The following SGCZ variants were observed in gnomAD, a reference collection of about 807,000 sequenced individuals.
SGCZ encodes the protein sarcoglycan zeta, also known as zeta-sarcoglycan.
In SGCZ, 40 loss-of-function variants were observed where a neutral mutation model predicts 41.3. The ratio of observed to expected loss-of-function variants is 0.97; its 90% CI spans 0.75 to 1.26. SGCZ has a LOEUF of 1.26. Ranked by LOEUF, SGCZ falls within the 50% of genes most tolerant of loss-of-function variation. The probability of loss-of-function intolerance (pLI) is 0.00; values close to 1 mark genes in which losing one functional copy is unlikely to be tolerated. For missense variants in SGCZ, 552 were observed against 369.8 expected, an observed-to-expected ratio of 1.49 and a Z score of -4.04; for synonymous variants, 206 against 137.5, an observed-to-expected ratio of 1.50 and a Z score of -3.49.
Position 14,919,059 on chromosome 8 carries a change from C to G in SGCZ, c.39+318526G>C, listed in dbSNP as rs574065351. Among the ~76,000 whole-genome samples the G allele has an allele frequency of 1.3e-3, 193 of 152,244 alleles. 1 individual carries two copies. Among genetic ancestry groups the G allele is most frequent in the African/African-American group, 4.4e-3 (183 of 41,544 alleles). ...CAGTGGAGATAATAGCAATACTCAC[C>G]TTTTAAGATGCGTTGATTCAATTAG... is the stretch of plus-strand genomic sequence containing the variant. On this transcript the variant is annotated intron_variant, in intron 1 of 7. Transcript: ENST00000382080.
intron 3 of SGCZ, among the ~76,000 whole-genome samples, chr8:14,292,444 C>T (rs1771171487): frequency 6.6e-6 from 1 of 151,916 alleles, no homozygotes; most frequent in Non-Finnish European, 1.5e-5. Flanking sequence ...GCAACAGATG[C>T]AGTGACATCA....
intron 1 of SGCZ, among the ~76,000 whole-genome samples, chr8:15,190,704 G>A (rs1369296449): frequency 6.7e-6 from 1 of 149,908 alleles, no homozygotes; most frequent in African/African-American, 2.5e-5. Context: ...CGTGTGTCGT[G>A]GGGGATGGGG....
chr8:14,571,212 G>A (rs1051145515), intron 1 of SGCZ, among the ~76,000 whole-genome samples: 1 of 152,158 alleles, frequency 6.6e-6, no homozygotes, highest in Non-Finnish European at 1.5e-5. Context: ...TACAGAAAGA[G>A]CAGATCTCAT....
At chr8:14,187,693 C>G (rs7002801) in intron 4 of SGCZ, among the ~76,000 whole-genome samples, 113,764 of 151,990 alleles carry the variant, frequency 0.75, 43,473 homozygotes, top group African/African-American at 0.89. Flanking sequence ...AAAAAAATGA[C>G]AACTGCAGGA....
chr8:15,003,588 C>T (rs115001859), intron 1 of SGCZ, among the ~76,000 whole-genome samples: 3,027 of 152,062 alleles, frequency 0.02, 96 homozygotes, highest in African/African-American at 0.069. Context: ...ATAAATAGAC[C>T]AAACTATTAA....
chr8:14,672,812 C>A (rs1334431637), intron 1 of SGCZ, among the ~76,000 whole-genome samples: 1 of 151,598 alleles, frequency 6.6e-6, no homozygotes, highest in Non-Finnish European at 1.5e-5. Context: ...TGCTTTTACT[C>A]ATAGAGTATG....
chr8:14,546,082 G>A (rs568591924), intron 2 of SGCZ, among the ~76,000 whole-genome samples: 2 of 152,128 alleles, frequency 1.3e-5, no homozygotes, highest in African/African-American at 4.8e-5. Flanking sequence ...AAAATCATGA[G>A]GAGCTGCATA....
intron 7 of SGCZ, among the ~76,000 whole-genome samples, chr8:14,091,427 G>A (rs1362881557): frequency 6.6e-6 from 1 of 151,894 alleles, no homozygotes; most frequent in Non-Finnish European, 1.5e-5. Flanking sequence ...CTTCCACAAT[G>A]GTTTAACCAA....
chr8:14,800,112 C>A (rs1294486524), intron 1 of SGCZ, among the ~76,000 whole-genome samples: 5 of 151,928 alleles, frequency 3.3e-5, no homozygotes, highest in African/African-American at 1.2e-4. Flanking sequence ...CACCATTGAA[C>A]CAGCATCTAC....
At chr8:14,872,190 G>C (rs2130704978) in intron 1 of SGCZ, among the ~76,000 whole-genome samples, 1 of 152,104 alleles carries the variant, frequency 6.6e-6, no homozygotes, top group East Asian at 1.9e-4. Flanking sequence ...CTAGGGGAGG[G>C]ATAGCATTAG....
chr8:14,656,492 TTCC>T (rs1807578958), intron 1 of SGCZ, among the ~76,000 whole-genome samples: 4 of 148,332 alleles, frequency 2.7e-5, no homozygotes. Flanking sequence ...CTCCCTCTCT[TTCC>T]TCCTCTCCTC....
intron 1 of SGCZ, among the ~76,000 whole-genome samples, chr8:15,013,755 C>A (rs919615168): frequency 1.8e-4 from 27 of 152,144 alleles, no homozygotes; most frequent in Admixed American, 1.6e-3. Flanking sequence ...ATCTGTTATA[C>A]ATCATATGCT....
chr8:14,423,492 C>T (rs935281990), intron 2 of SGCZ, among the ~76,000 whole-genome samples: 1 of 152,096 alleles, frequency 6.6e-6, no homozygotes, highest in Non-Finnish European at 1.5e-5. Context: ...TGTCGACTCA[C>T]CGCAACCTCC....
At chr8:15,091,570 G>A (rs7015642) in intron 1 of SGCZ, among the ~76,000 whole-genome samples, 94,079 of 151,914 alleles carry the variant, frequency 0.62, 30,584 homozygotes, top group Non-Finnish European at 0.73. Context: ...CCAAAGCACC[G>A]TGTTAAAAGT....
chr8:14,973,249 A>G (rs906754093), intron 1 of SGCZ, among the ~76,000 whole-genome samples: 48 of 152,088 alleles, frequency 3.2e-4, no homozygotes, highest in African/African-American at 8.2e-4. Flanking sequence ...AAATGTCATC[A>G]TCGAGGAAGA....
At chr8:14,245,935 A>C (rs1489608615) in intron 3 of SGCZ, among the ~76,000 whole-genome samples, 1 of 152,222 alleles carries the variant, frequency 6.6e-6, no homozygotes, top group Non-Finnish European at 1.5e-5. Context: ...ATCATTAAAA[A>C]GTCAGGAAGC....
intron 1 of SGCZ, among the ~76,000 whole-genome samples, chr8:14,633,899 A>G (rs1475536322): frequency 2.0e-5 from 3 of 151,272 alleles, no homozygotes. Flanking sequence ...TAAACAAACA[A>G]AAGTTTCTTA....
intron 2 of SGCZ, among the ~76,000 whole-genome samples, chr8:14,450,671 T>G (rs1467589689): frequency 6.6e-6 from 1 of 152,194 alleles, no homozygotes; most frequent in Non-Finnish European, 1.5e-5. Flanking sequence ...CATACCATAG[T>G]GACCACTTAG....
At chr8:14,476,248 T>C (rs1359915573) in intron 2 of SGCZ, among the ~76,000 whole-genome samples, 4 of 152,116 alleles carry the variant, frequency 2.6e-5, no homozygotes, top group African/African-American at 9.7e-5. Context: ...CTCTCACCAA[T>C]GTTGGTGGGT....
Sources: gnomAD v4.1 joint callset for allele counts (sites outside exome capture counted in the v4.1 genomes callset) on GRCh38, gnomAD v4.1.1 for gene constraint, MANE v1.5 for transcripts, NCBI Gene and HGNC (gene_info 2026-07-23, HGNC 2026-07-21) for gene names.